The following INPP4B variants were observed in gnomAD, a reference collection of about 807,000 sequenced individuals.
INPP4B encodes inositol polyphosphate-4-phosphatase type II B, also known as inositol polyphosphate 4-phosphatase type II.
In INPP4B, 55 loss-of-function variants were observed where a neutral mutation model predicts 122.5. That is an observed-to-expected ratio of 0.45 (90% confidence interval 0.36 to 0.56). INPP4B has a LOEUF of 0.56. Among genes scored for constraint, INPP4B ranks in the 20% least tolerant of loss-of-function variants. The pLI is 0.00. For synonymous variants in INPP4B, 403 were observed against 388.7 expected (o/e 1.04, Z -0.43); for missense variants, 1,000 against 1,097.7 (o/e 0.91, Z 1.26).
At chr4:142,150,840 G>A (rs1391347061) in intron 17 of INPP4B, among the ~76,000 whole-genome samples, 4 of 152,162 alleles carry the variant, frequency 2.6e-5, no homozygotes, top group African/African-American at 9.7e-5. Context: ...CTGCTTTGGA[G>A]CAGTAGTTAA....
At chr4:142,289,966 T>C (rs1204591796) in intron 9 of INPP4B, among the ~76,000 whole-genome samples, 1 of 152,088 alleles carries the variant, frequency 6.6e-6, no homozygotes, top group Non-Finnish European at 1.5e-5. Flanking sequence ...CAAACCACCA[T>C]CACTCCTCCC....
At chr4:142,387,097 C>T (rs550402109) in intron 7 of INPP4B, among the ~76,000 whole-genome samples, 8 of 152,112 alleles carry the variant, frequency 5.3e-5, no homozygotes, top group Non-Finnish European at 8.8e-5. Flanking sequence ...TGATTTGATC[C>T]GGTAATTAAC....
chr4:142,615,546 G>A (rs1743511856), intron 2 of INPP4B, among the ~76,000 whole-genome samples: 1 of 152,240 alleles, frequency 6.6e-6, no homozygotes, highest in Middle Eastern at 3.4e-3. Flanking sequence ...TGTCTGGCAT[G>A]GCCTTAGGTC....
At chr4:142,769,327 G>C (rs894617262) in intron 1 of INPP4B, among the ~76,000 whole-genome samples, 15 of 152,130 alleles carry the variant, frequency 9.9e-5, no homozygotes, top group African/African-American at 3.4e-4. Context: ...GGTGAGAAAG[G>C]CACAGAGAGG....
chr4:142,369,959 G>C (rs937217495), intron 7 of INPP4B, among the ~76,000 whole-genome samples: 1 of 150,908 alleles, frequency 6.6e-6, no homozygotes, highest in Non-Finnish European at 1.5e-5. Context: ...AATCCTAGTA[G>C]AGGGAGTGCC....
intron 2 of INPP4B, among the ~76,000 whole-genome samples, chr4:142,662,091 C>T (rs1458434219): frequency 6.6e-6 from 1 of 151,934 alleles, no homozygotes; most frequent in Non-Finnish European, 1.5e-5. Flanking sequence ...CAAAATTAAC[C>T]GGGCGTGGTG....
At chr4:142,341,079 G>A (rs1272279834) in intron 7 of INPP4B, among the ~76,000 whole-genome samples, 2 of 152,156 alleles carry the variant, frequency 1.3e-5, no homozygotes, top group Non-Finnish European at 2.9e-5. Flanking sequence ...ACACAACACA[G>A]TTTCCAATGC....
chr4:142,204,265 T>A (rs1052516449), intron 14 of INPP4B, among the ~76,000 whole-genome samples: 2 of 152,110 alleles, frequency 1.3e-5, no homozygotes, highest in Non-Finnish European at 2.9e-5. Context: ...TACATATTTT[T>A]AAAACATAAG....
At chr4:142,561,661 C>T (rs576343150) in intron 2 of INPP4B, among the ~76,000 whole-genome samples, 1 of 152,144 alleles carries the variant, frequency 6.6e-6, no homozygotes, top group African/African-American at 2.4e-5. Flanking sequence ...ACTCATGATC[C>T]TCCCGCCTCG....
intron 25 of INPP4B, among the ~76,000 whole-genome samples, chr4:142,053,022 G>T (rs574147122): frequency 1.3e-5 from 2 of 152,194 alleles, no homozygotes; most frequent in East Asian, 3.9e-4. Context: ...ATGAATGTCT[G>T]TACAGTGACA....
rs1190606537 is a variant in INPP4B at position 142,257,368 on chromosome 4, GAGA to G, written c.688+3121_688+3123del. Among the ~76,000 whole-genome samples, 6 of 152,250 alleles carry G rather than the reference GAGA, an allele frequency of 3.9e-5. No individual in the cohort carries two copies. The East Asian group carries it at 1.2e-3, about 29-fold the overall frequency. On this transcript the variant is annotated intron_variant, in intron 11 of 25. Coordinates refer to ENST00000262992, the MANE Select transcript of INPP4B (RefSeq NM_001101669.3). Reference sequence around the variant, plus strand: ...AGTTCTGGCCAGGGCAATTAGGCAGGAGAAGGAAATAAAGGGTATTCAATTAGG... The same window carrying G: ...AGTTCTGGCCAGGGCAATTAGGCAGGAGGAAATAAAGGGTATTCAATTAGG...
chr4:142,800,750 C>T (rs1777895378), intron 1 of INPP4B, among the ~76,000 whole-genome samples: 2 of 152,108 alleles, frequency 1.3e-5, no homozygotes, highest in Non-Finnish European at 2.9e-5. Context: ...TTGTGTGTTA[C>T]ATGTTGGGGA....
At chr4:142,692,154 G>C (rs541227054) in intron 2 of INPP4B, among the ~76,000 whole-genome samples, 1 of 152,024 alleles carries the variant, frequency 6.6e-6, no homozygotes, top group Non-Finnish European at 1.5e-5. Flanking sequence ...GCCCTCTGAA[G>C]TTTCACTGAA....
At chr4:142,248,331 T>G (rs925959178) in intron 11 of INPP4B, among the ~76,000 whole-genome samples, 5 of 78,748 alleles carry the variant, frequency 6.3e-5, no homozygotes, top group Admixed American at 1.7e-4. Context: ...TCTCTCTCTC[T>G]CTCTCTTTTT....
rs79216166 is a variant in INPP4B at position 142,510,115 on chromosome 4, A to C, written c.-190-47389T>G. On this transcript the variant is annotated intron_variant, in intron 2 of 25. Coordinates refer to ENST00000262992, the MANE Select transcript of INPP4B (RefSeq NM_001101669.3). ...GAGTCACTTTGGATTCATAATCAAC[A>C]TGAAGGTATTTCCTAGTAAGAATCT... Among the ~76,000 whole-genome samples the C allele has an allele frequency of 7.0e-3, 1,065 of 152,326 alleles. 15 individuals are homozygous for C. The highest frequency in any genetic ancestry group is 0.024 in the African/African-American group (1,010 of 41,572).
At chr4:142,201,613 T>C (rs1840659891) in intron 14 of INPP4B, among the ~76,000 whole-genome samples, 1 of 152,016 alleles carries the variant, frequency 6.6e-6, no homozygotes, top group Non-Finnish European at 1.5e-5. Flanking sequence ...TAAAGTACCA[T>C]GTTCATTCTT....
At chr4:142,034,392 G>T (rs1045114879) in intron 25 of INPP4B, among the ~76,000 whole-genome samples, 5 of 152,088 alleles carry the variant, frequency 3.3e-5, no homozygotes, top group African/African-American at 1.2e-4. Context: ...GAATGTCACT[G>T]CTGGCATAGC....
rs570045457 is a variant in INPP4B, at chr4:142,437,780, A to G, written c.-126-6395T>C. Reference sequence around the variant, plus strand: ...CAAATAAACTGGAAAATCTGGAAGAAATGGTTAAATTTCTGGACATATGCA... The same window carrying G: ...CAAATAAACTGGAAAATCTGGAAGAGATGGTTAAATTTCTGGACATATGCA... On this transcript the variant is annotated intron_variant, in intron 3 of 25. Transcript: ENST00000262992. Among the ~76,000 whole-genome samples the G allele has an allele frequency of 1.1e-3, 169 of 152,316 alleles. 1 individual carries two copies. The highest frequency in any genetic ancestry group is 3.8e-3 in the African/African-American group (159 of 41,564).
At chr4:142,488,606 G>A (rs1309347427) in intron 2 of INPP4B, among the ~76,000 whole-genome samples, 2 of 151,908 alleles carry the variant, frequency 1.3e-5, no homozygotes, top group Admixed American at 1.3e-4. Flanking sequence ...TGTCAATTTT[G>A]TTAAGTTGTG....
Sources: gnomAD v4.1 joint callset for allele counts (sites outside exome capture counted in the v4.1 genomes callset) on GRCh38, gnomAD v4.1.1 for gene constraint, MANE v1.5 for transcripts, NCBI Gene and HGNC (gene_info 2026-07-23, HGNC 2026-07-21) for gene names.